The following CPS1 variants were observed in gnomAD, a reference collection of about 807,000 sequenced individuals.
CPS1 encodes carbamoyl-phosphate synthase [ammonia], mitochondrial.
In CPS1, 109 loss-of-function variants were observed where a neutral mutation model predicts 174.6. That is an observed-to-expected ratio of 0.62 (90% CI 0.53 to 0.73). The LOEUF (loss-of-function observed/expected upper bound fraction) is 0.73. Among genes scored for constraint, CPS1 ranks in the 30% least tolerant of loss-of-function variants. CPS1 has a pLI of 0.00. For missense variants in CPS1, 1,689 were observed against 1,821.9 expected, an observed-to-expected ratio of 0.93 and a Z score of 1.33; for synonymous variants, 637 against 632.0, an observed-to-expected ratio of 1.01 and a Z score of -0.12.
intron 1 of CPS1, among the ~76,000 whole-genome samples, chr2:210,507,542 G>A (rs1459849383): frequency 1.1e-4 from 16 of 151,818 alleles, no homozygotes; most frequent in Non-Finnish European, 2.4e-4. Context: ...AACCTTAAAT[G>A]TAAATGGGCT....
intron 1 of CPS1, among the ~76,000 whole-genome samples, chr2:210,512,395 C>T (rs572122173): frequency 4.6e-5 from 7 of 151,888 alleles, no homozygotes; most frequent in Non-Finnish European, 8.8e-5. Flanking sequence ...CTCTTGTTGC[C>T]ATCTTTATGT....
Position 210,648,926 on chromosome 2 carries a change from G to C in CPS1, c.3404+386G>C, listed in dbSNP as rs537960449. ...TGACTATTGTCAGCACCTTCTGATA[G>C]TGCCTTTGTTTTAAAATTTTCAGTT... is the stretch of plus-strand genomic sequence containing the variant. On this transcript the variant is annotated intron_variant, in intron 27 of 37. Coordinates refer to ENST00000233072, the MANE Select transcript of CPS1 (RefSeq NM_001875.5). Among the ~76,000 whole-genome samples the C allele has an allele frequency of 5.3e-5, 8 of 152,336 alleles. No homozygotes were observed. The South Asian group carries it at 1.7e-3, about 32-fold the overall frequency.
intron 34 of CPS1, chr2:210,672,005 T>C (rs1559139236): frequency 6.6e-6 from 1 of 151,858 alleles, no homozygotes. Context: ...TATCCCCTAT[T>C]CCCCCCTTTC....
At chr2:210,663,933 T>A (rs1265292829) in intron 33 of CPS1, among the ~76,000 whole-genome samples, 3 of 152,160 alleles carry the variant, frequency 2.0e-5, no homozygotes, top group Non-Finnish European at 4.4e-5. Context: ...TGAGCCATCA[T>A]TGTTTCCTCT....
Position 210,590,241 on chromosome 2 carries a change from T to C in CPS1, c.840+7T>C. On this transcript the variant is annotated splice_region_variant and intron_variant, in intron 8 of 37. Transcript: ENST00000233072. ...AATTCAGAATGTCAGAAAGGTGCAA[T>C]GAACCTTGAATTCATGTGTATCTGT... The C allele has an allele frequency of 6.2e-7, 1 of 1,612,514 alleles. No homozygotes were observed. The highest frequency in any genetic ancestry group is 8.5e-7 in the Non-Finnish European group (1 of 1,178,922).
chr2:210,556,773 C>G lies in CPS1; in HGVS notation c.40C>G (p.Leu14Val). 1 of 1,613,076 alleles carries G rather than the reference C, an allele frequency of 6.2e-7. No individual in the cohort carries two copies. Among genetic ancestry groups the G allele is most frequent in the Non-Finnish European group, 8.5e-7 (1 of 1,179,344 alleles). Residue 14 changes from leucine (L) to valine (V), a missense_variant, in exon 1 of 38, where the codon CTG becomes GTG. Leu to Val is a conservative substitution (Grantham distance 32, BLOSUM62 1). Coordinates refer to ENST00000233072, the MANE Select transcript of CPS1 (RefSeq NM_001875.5). ...GACAGCTTTCAAAGTGGTGAGGACA[C>G]TGAAGACTGGTTTTGGCTTTACCAA... ...ILTAFKVVRT[L>V]KTGFGFTNVT...
Position 210,510,718 on chromosome 2 carries a change from A to T in CPS1, c.3+32952A>T, listed in dbSNP as rs1480888740. Reference sequence around the variant, plus strand: ...AAACAACCCCATCAACAAGTGGGCGAAGGATATGAACAGACGCTTCTCAAA... The same window carrying T: ...AAACAACCCCATCAACAAGTGGGCGTAGGATATGAACAGACGCTTCTCAAA... On this transcript the variant is annotated intron_variant, in intron 1 of 38. Coordinates refer to the CPS1 transcript ENST00000430249. Among the ~76,000 whole-genome samples, 4 of 152,358 alleles carry T rather than the reference A, an allele frequency of 2.6e-5. No individual in the cohort carries two copies. In the South Asian group the frequency reaches 8.3e-4, roughly 32 times the overall value.
chr2:210,554,201 ATG>A (rs1225897249), upstream of CPS1, among the ~76,000 whole-genome samples: 2 of 138,018 alleles, frequency 1.4e-5, no homozygotes, highest in African/African-American at 2.8e-5. Flanking sequence ...ACATATATAT[ATG>A]TATGTATATA....
chr2:210,527,219 C>T (rs1484431866), intron 1 of CPS1, among the ~76,000 whole-genome samples: 1 of 151,832 alleles, frequency 6.6e-6, no homozygotes, highest in Non-Finnish European at 1.5e-5. Flanking sequence ...CTAAGTTGAT[C>T]ATTTTCCTAG....
intron 1 of CPS1, 68 bp from the exon 2 acceptor site, chr2:210,573,230 A>C: frequency 2.3e-6 from 3 of 1,324,232 alleles, no homozygotes; most frequent in Non-Finnish European, 3.3e-6. Flanking sequence ...TGTGTATTTT[A>C]CCTTTGGAAT....
At chr2:210,485,729 C>G (rs1223206504) in intron 1 of CPS1, among the ~76,000 whole-genome samples, 2 of 152,112 alleles carry the variant, frequency 1.3e-5, no homozygotes, top group Non-Finnish European at 2.9e-5. Flanking sequence ...ACAAATAAAG[C>G]TACAAGTAAC....
chr2:210,522,947 G>A (rs1414627793), intron 1 of CPS1, among the ~76,000 whole-genome samples: 1 of 151,896 alleles, frequency 6.6e-6, no homozygotes, highest in Non-Finnish European at 1.5e-5. Flanking sequence ...CATAATTAAG[G>A]CAGTTAATCC....
intron 1 of CPS1, among the ~76,000 whole-genome samples, chr2:210,571,795 G>C (rs1371638719): frequency 1.3e-5 from 2 of 151,694 alleles, no homozygotes; most frequent in Admixed American, 1.3e-4. Flanking sequence ...TATAAAGCAA[G>C]AGGAACATAG....
Position 210,646,381 on chromosome 2 carries a change from G to A in CPS1, c.3142-1482G>A, listed in dbSNP as rs1700378139. 2.6e-5 allele frequency among the ~76,000 whole-genome samples: 4 copies of A among 152,176 alleles called. No homozygotes were observed. The South Asian group carries it at 6.2e-4, about 24-fold the overall frequency. On this transcript the variant is annotated intron_variant, in intron 25 of 37. Coordinates refer to ENST00000233072, the MANE Select transcript of CPS1 (RefSeq NM_001875.5). Reference sequence around the variant, plus strand: ...ACACTTATAAATATGCAAAATGGTGGATTATTATTTTCAGTACTGTTTACA... The same window carrying A: ...ACACTTATAAATATGCAAAATGGTGAATTATTATTTTCAGTACTGTTTACA...
intron 21 of CPS1, among the ~76,000 whole-genome samples, chr2:210,630,022 G>A (rs1287776387): frequency 6.6e-6 from 1 of 150,622 alleles, no homozygotes; most frequent in African/African-American, 2.4e-5. Context: ...GCAGTGAGCC[G>A]AGATCCTGCC....
At chr2:210,502,846 AT>A (rs1695184074) in intron 1 of CPS1, among the ~76,000 whole-genome samples, 1 of 152,228 alleles carries the variant, frequency 6.6e-6, no homozygotes, top group South Asian at 2.1e-4. Context: ...TCCTCTTTAC[AT>A]TTTAAAATAA....
chr2:210,486,982 T>TTTTATTTATTTATTTATTTATTTATTTA (rs35198456), intron 1 of CPS1, among the ~76,000 whole-genome samples: 166 of 151,370 alleles, frequency 1.1e-3, no homozygotes, highest in African/African-American at 3.8e-3. Context: ...GACCCATGCC[T>TTTTATTTATTTATTTATTTATTTATTTA]TTTATTTATT....
At chr2:210,588,822 C>A (rs1371367086) in intron 7 of CPS1, among the ~76,000 whole-genome samples, 1 of 151,972 alleles carries the variant, frequency 6.6e-6, no homozygotes, top group East Asian at 1.9e-4. Context: ...TAGAGAATAC[C>A]AGCAATATTC....
chr2:210,513,270 A>C (rs1448537024), intron 1 of CPS1, among the ~76,000 whole-genome samples: 2 of 151,166 alleles, frequency 1.3e-5, no homozygotes, highest in East Asian at 2.0e-4. Context: ...TTTCTACAGT[A>C]GCTGAGCTAA....
Sources: allele counts gnomAD v4.1 joint callset (sites outside exome capture counted in the v4.1 genomes callset), GRCh38; gene constraint gnomAD v4.1.1; transcripts MANE v1.5; gene names NCBI Gene and HGNC (gene_info 2026-07-23, HGNC 2026-07-21).